Variants in MLN observed in about 807,000 individuals in gnomAD.
The protein encoded by MLN is promotilin.
MLN carries 14 observed loss-of-function variants against 13.3 expected under a neutral mutation model. The ratio of observed to expected loss-of-function variants is 1.05; its 90% CI spans 0.69 to 1.64. MLN has a LOEUF of 1.64. Among genes scored for constraint, MLN ranks in the 40% most tolerant of loss-of-function variants. MLN has a pLI of 0.00. For synonymous variants in MLN, 59 were observed against 54.7 expected (o/e 1.08, Z -0.34); for missense variants, 122 against 142.9 (o/e 0.85, Z 0.75).
At chr6:33,795,086 T>C (rs1429043536) in intron 4 of MLN, among the ~76,000 whole-genome samples, 2 of 152,214 alleles carry the variant, frequency 1.3e-5, no homozygotes, top group African/African-American at 4.8e-5. Flanking sequence ...GAGAAGTAAT[T>C]AGTGGCTGTT....
chr6:33,796,490 G>A (rs751446041), intron 3 of MLN, among the ~76,000 whole-genome samples: 24 of 151,230 alleles, frequency 1.6e-4, no homozygotes, highest in Non-Finnish European at 2.8e-4. Flanking sequence ...TCCCCGCTCC[G>A]CAGAGCTTCC....
rs762124393 is a variant in MLN at position 33,801,072 on chromosome 6, G to A, written c.92C>T (p.Thr31Ile). 3 of 1,614,082 alleles carry A rather than the reference G, an allele frequency of 1.9e-6. No homozygotes were observed. Among genetic ancestry groups the A allele is most frequent in the Non-Finnish European group, 2.5e-6 (3 of 1,179,942 alleles). The change falls in exon 2 of 5, where the codon ACC becomes ATC. Residue 31 changes from threonine to isoleucine, a missense_variant. Physicochemically the swap from Thr to Ile is moderately conservative, Grantham distance 89. Transcript: ENST00000430124. Reference sequence around the variant, plus strand: ...CTGCATCCTCTGGAGTTCGCCATAGGTGAAGATGGGGACGAAGGCTTCCGT... The same window carrying A: ...CTGCATCCTCTGGAGTTCGCCATAGATGAAGATGGGGACGAAGGCTTCCGT... ...SQTEAFVPIFTYGELQRMQEK... is the reference protein window; with the variant it reads ...SQTEAFVPIFIYGELQRMQEK...
At chr6:33,795,114 C>CT (rs1485275159) in intron 4 of MLN, among the ~76,000 whole-genome samples, 1 of 152,246 alleles carries the variant, frequency 6.6e-6, no homozygotes, top group Admixed American at 6.5e-5. Context: ...GGAGATGTAG[C>CT]TTTGCTCAGG....
chr6:33,794,958 G>T, intron 4 of MLN, 123 bp from the exon 5 acceptor site: 2 of 1,264,854 alleles, frequency 1.6e-6, no homozygotes, highest in East Asian at 2.5e-5. Flanking sequence ...GCGGGAAGGT[G>T]GGAAGTTTTG....
chr6:33,803,339 G>A lies in MLN; in HGVS notation c.-8+614C>T, dbSNP rs1179207306. 7.3e-6 allele frequency among the ~76,000 whole-genome samples: 1 copy of A among 136,716 alleles called. No homozygotes were observed. The highest frequency in any genetic ancestry group is 8.2e-5 in the Admixed American group (1 of 12,258). The allele number at this position is 136,716 out of a possible 152,430, so 89.7% of individuals were successfully genotyped here. ...TTTTTTTTTTCTGAGATGGAGTCTC[G>A]CTCTGTCTCCCAGGCTAGAGTGCAG... is the stretch of plus-strand genomic sequence containing the variant. On this transcript the variant is annotated intron_variant, in intron 1 of 4. Transcript: ENST00000430124. This position sits in a 1 kb window ranked among gnomAD's most constrained non-coding sequence, Gnocchi z 4.5.
intron 3 of MLN, among the ~76,000 whole-genome samples, chr6:33,795,942 C>G (rs1029632380): frequency 6.7e-6 from 1 of 149,302 alleles, no homozygotes; most frequent in Non-Finnish European, 1.5e-5. Flanking sequence ...ATTGTGGAGT[C>G]TTACCCTTAT....
intron 3 of MLN, among the ~76,000 whole-genome samples, chr6:33,798,052 T>C (rs1345596926): frequency 2.6e-5 from 4 of 152,162 alleles, no homozygotes; most frequent in Admixed American, 6.5e-5. Flanking sequence ...ATCCTTGTGG[T>C]TCATGCCTTG....
intron 3 of MLN, among the ~76,000 whole-genome samples, chr6:33,797,696 C>G (rs968605699): frequency 5.3e-5 from 8 of 151,860 alleles, no homozygotes; most frequent in African/African-American, 1.4e-4. Context: ...CCGCCCGAGG[C>G]CGAACTCTCT....
Position 33,803,944 on chromosome 6 carries a change from G to A in MLN, c.-8+9C>T, listed in dbSNP as rs539791578. On this transcript the variant is annotated intron_variant, in intron 1 of 4. Coordinates refer to ENST00000430124, the MANE Select transcript of MLN (RefSeq NM_002418.3). The surrounding 1 kb of genome is among the most constrained non-coding windows in gnomAD (Gnocchi z 4.5). ...CACTCCCCACCCACTTTCTCCAAGG[G>A]CTACTTACGGCGTGCACGTGGTCTG... 2 of 152,386 alleles carry A rather than the reference G, an allele frequency of 1.3e-5. No individual in the cohort carries two copies. Among genetic ancestry groups the A allele is most frequent in the African/African-American group, 4.8e-5 (2 of 41,458 alleles). 9.4% of individuals were successfully genotyped at this position (152,386 alleles called of 1,614,324 possible).
rs1241511739 is a variant in MLN, at chr6:33,803,313, T to TA, written c.-8+639_-8+640insT. 6.7e-6 allele frequency among the ~76,000 whole-genome samples: 1 copy of TA among 149,686 alleles called. No individual in the cohort carries two copies. Among genetic ancestry groups the TA allele is most frequent in the East Asian group, 1.9e-4 (1 of 5,134 alleles). On this transcript the variant is annotated intron_variant, in intron 1 of 4. Coordinates refer to ENST00000430124, the MANE Select transcript of MLN (RefSeq NM_002418.3). The surrounding 1 kb of genome is among the most constrained non-coding windows in gnomAD (Gnocchi z 4.5). ...CTTTTCCTTTTCTTTTCTTCTTTTTTTTTTTTTTTTCTGAGATGGAGTCTC... is the reference window on the plus strand; with the variant it reads ...CTTTTCCTTTTCTTTTCTTCTTTTTTATTTTTTTTTTCTGAGATGGAGTCTC...
intron 2 of MLN, among the ~76,000 whole-genome samples, chr6:33,800,212 A>G (rs368896887): frequency 6.6e-6 from 1 of 152,122 alleles, no homozygotes; most frequent in Non-Finnish European, 1.5e-5. Context: ...ATTCATCCCT[A>G]TTGGAGTCTC....
rs1760892437 is a variant in MLN, at chr6:33,803,288, C to CT, written c.-8+664dup. Among the ~76,000 whole-genome samples, 1 of 149,374 alleles carries CT rather than the reference C, an allele frequency of 6.7e-6. No individual in the cohort carries two copies. Among genetic ancestry groups the CT allele is most frequent in the Non-Finnish European group, 1.5e-5 (1 of 67,364 alleles). ...TGCTCTCCCTCGGGGTCAACTTTTT[C>CT]TTTTCCTTTTCTTTTCTTCTTTTTT... On this transcript the variant is annotated intron_variant, in intron 1 of 4. Transcript: ENST00000430124. This position sits in a 1 kb window ranked among gnomAD's most constrained non-coding sequence, Gnocchi z 4.5.
intron 4 of MLN, 50 bp downstream of exon 4, chr6:33,795,452 CA>C: frequency 6.9e-7 from 1 of 1,453,226 alleles, no homozygotes; most frequent in Non-Finnish European, 9.4e-7. Flanking sequence ...GTATTAACGC[CA>C]GGGTGGGCGG....
intron 3 of MLN, among the ~76,000 whole-genome samples, chr6:33,798,557 C>T (rs1767975282): frequency 6.6e-6 from 1 of 152,226 alleles, no homozygotes; most frequent in African/African-American, 2.4e-5. Flanking sequence ...GGCTTCTTGC[C>T]TCCACTCATG....
intron 1 of MLN, among the ~76,000 whole-genome samples, chr6:33,802,131 C>A (rs1364715585): frequency 6.6e-6 from 1 of 152,276 alleles, no homozygotes; most frequent in Non-Finnish European, 1.5e-5. Context: ...GGGGCTGGAA[C>A]CTTGGCCTTT....
At chr6:33,795,092 CTGTT>C (rs1490747864) in intron 4 of MLN, among the ~76,000 whole-genome samples, 1 of 152,236 alleles carries the variant, frequency 6.6e-6, no homozygotes, top group Non-Finnish European at 1.5e-5. Flanking sequence ...TAATTAGTGG[CTGTT>C]TGTCAGAGGA....
Position 33,795,293 on chromosome 6 carries a change from T to G in MLN, c.337+210A>C, listed in dbSNP as rs370474360. Reference sequence around the variant, plus strand: ...ATCTGGAGCAGGGGAGTGGGGTGGGTAGCTGGGAACCCAGCCTGAGACCCG... The same window carrying G: ...ATCTGGAGCAGGGGAGTGGGGTGGGGAGCTGGGAACCCAGCCTGAGACCCG... On this transcript the variant is annotated intron_variant, in intron 4 of 4. Coordinates refer to ENST00000430124, the MANE Select transcript of MLN (RefSeq NM_002418.3). Among the ~76,000 whole-genome samples, 5 of 152,066 alleles carry G rather than the reference T, an allele frequency of 3.3e-5. No individual in the cohort carries two copies. In the East Asian group the frequency reaches 5.8e-4, roughly 18 times the overall value.
chr6:33,801,249 G>C, intron 1 of MLN, 79 bp from the exon 2 acceptor site: 9 of 1,045,486 alleles, frequency 8.6e-6, no homozygotes, highest in Admixed American at 3.5e-5. Flanking sequence ...GGGGCCCTCA[G>C]TTCTGGCCCA....
intron 3 of MLN, among the ~76,000 whole-genome samples, chr6:33,798,388 G>GATCACCC (rs1195662446): frequency 6.6e-6 from 1 of 152,206 alleles, no homozygotes; most frequent in Non-Finnish European, 1.5e-5. Context: ...ACGAGTCTGT[G>GATCACCC]AAATAAAAGA....
Sources: gnomAD v4.1 joint callset for allele counts (sites outside exome capture counted in the v4.1 genomes callset) on GRCh38, gnomAD v4.1.1 for gene constraint, Gnocchi (gnomAD v3.1) non-coding constraint, MANE v1.5 for transcripts, NCBI Gene and HGNC (gene_info 2026-07-23, HGNC 2026-07-21) for gene names.